Variants in STOX2 observed in about 807,000 individuals in gnomAD.
STOX2 encodes the protein storkhead box 2.
In STOX2, 28 loss-of-function variants were observed where a neutral mutation model predicts 60.9. The ratio of observed to expected loss-of-function variants is 0.46; its 90% CI spans 0.34 to 0.63. The LOEUF is 0.63. STOX2 is among the 30% of genes least tolerant of loss of function. The probability of loss-of-function intolerance (pLI) is 0.01; values close to 1 mark genes in which losing one functional copy is unlikely to be tolerated. For synonymous variants in STOX2, 472 were observed against 463.9 expected (o/e 1.02, Z -0.22); for missense variants, 1,024 against 1,187.7 (o/e 0.86, Z 2.03).
chr4:183,962,796 G>T (rs1743450632), intron 1 of STOX2, among the ~76,000 whole-genome samples: 1 of 152,040 alleles, frequency 6.6e-6, no homozygotes, highest in Non-Finnish European at 1.5e-5. Context: ...GACCCTTTAG[G>T]GAAGTCTAGA....
chr4:183,902,795 A>G (rs1448304572), upstream of STOX2, among the ~76,000 whole-genome samples: 8 of 152,180 alleles, frequency 5.3e-5, no homozygotes, highest in African/African-American at 1.7e-4. Context: ...AAATTACTAC[A>G]CCACCCATAC....
intron 1 of STOX2, among the ~76,000 whole-genome samples, chr4:183,837,396 C>T (rs926508474): frequency 6.6e-6 from 1 of 151,998 alleles, no homozygotes; most frequent in Admixed American, 6.6e-5. Flanking sequence ...TAAGTGGAAT[C>T]ATACAGTATT....
chr4:183,897,841 A>G (rs920850659), intron 1 of STOX2, among the ~76,000 whole-genome samples: 1 of 152,200 alleles, frequency 6.6e-6, no homozygotes, highest in Non-Finnish European at 1.5e-5. Context: ...ATGATTTCCA[A>G]CTGCATTCAC....
chr4:183,839,971 G>A (rs1182423617), intron 1 of STOX2, among the ~76,000 whole-genome samples: 2 of 152,000 alleles, frequency 1.3e-5, no homozygotes, highest in Admixed American at 6.6e-5. Flanking sequence ...TGTTGCCTTC[G>A]AGTAACACAA....
At chr4:183,919,670 A>T (rs892971720) in intron 1 of STOX2, among the ~76,000 whole-genome samples, 2 of 152,118 alleles carry the variant, frequency 1.3e-5, no homozygotes, top group African/African-American at 4.8e-5. Flanking sequence ...CAGTGGTACT[A>T]TCGTAGCTCA....
chr4:183,975,289 GA>G (rs2111180906), intron 1 of STOX2, among the ~76,000 whole-genome samples: 1 of 152,032 alleles, frequency 6.6e-6, no homozygotes, highest in African/African-American at 2.4e-5. Context: ...ACTAGAAAAA[GA>G]AGAGCAAAAC....
intron 1 of STOX2, among the ~76,000 whole-genome samples, chr4:183,987,180 C>G (rs541733685): frequency 4.3e-4 from 65 of 152,296 alleles, no homozygotes; most frequent in African/African-American, 1.5e-3. Flanking sequence ...TCCTTGGCCT[C>G]TCTGACTCCA....
Position 183,866,092 on chromosome 4 carries a change from G to A in STOX2, c.364+68037G>A, listed in dbSNP as rs137864805. ...ATAGGTGAAGGGGAGAAAGATACAC[G>A]TGCTGATGAACAATTGTTTTCAAAG... On this transcript the variant is annotated intron_variant, in intron 1 of 2. Transcript: ENST00000513034. Among the ~76,000 whole-genome samples, 553 of 152,256 alleles carry A rather than the reference G, an allele frequency of 3.6e-3. 7 individuals are homozygous for A. The highest frequency in any genetic ancestry group is 0.032 in the Admixed American group (484 of 15,294).
In STOX2 at chr4:184,009,077, G is replaced by T; in HGVS notation, c.320-81G>T. 8.9e-7 allele frequency: 1 copy of T among 1,126,154 alleles called. No individual in the cohort carries two copies. The highest frequency in any genetic ancestry group is 1.7e-5 in the South Asian group (1 of 59,818). The allele number at this position is 1,126,154 out of a possible 1,614,324, so 69.8% of individuals were successfully genotyped here. ...CTGTGATGGTACTTCGCATCTTGGC[G>T]AATGAATAGGATCCTGGAAATCAGG... is the stretch of plus-strand genomic sequence containing the variant. On this transcript the variant is annotated intron_variant, in intron 2 of 3. Coordinates refer to ENST00000308497, the MANE Select transcript of STOX2 (RefSeq NM_020225.3). This position sits in a 1 kb window ranked among gnomAD's most constrained non-coding sequence, Gnocchi z 4.0.
chr4:183,808,718 G>C (rs988453378), intron 1 of STOX2, among the ~76,000 whole-genome samples: 1 of 152,076 alleles, frequency 6.6e-6, no homozygotes, highest in Non-Finnish European at 1.5e-5. Context: ...TGTATCTTTA[G>C]CATTTCCTCT....
intron 1 of STOX2, among the ~76,000 whole-genome samples, chr4:183,964,309 C>T (rs1303957638): frequency 6.6e-6 from 1 of 152,122 alleles, no homozygotes; most frequent in Non-Finnish European, 1.5e-5. Flanking sequence ...GAATCACTTC[C>T]CCTATGGTGC....
intron 1 of STOX2, among the ~76,000 whole-genome samples, chr4:183,999,374 A>G (rs775792436): frequency 6.6e-6 from 1 of 152,182 alleles, no homozygotes; most frequent in Non-Finnish European, 1.5e-5. Context: ...TATGATGCCT[A>G]TGACCCATAG....
At chr4:183,831,300 G>A (rs1739562136) in intron 1 of STOX2, among the ~76,000 whole-genome samples, 1 of 152,168 alleles carries the variant, frequency 6.6e-6, no homozygotes, top group African/African-American at 2.4e-5. Context: ...CAGGAAAGAA[G>A]CTTGGCTCTT....
At chr4:183,810,889 A>G (rs555685302) in intron 1 of STOX2, among the ~76,000 whole-genome samples, 6 of 152,248 alleles carry the variant, frequency 3.9e-5, no homozygotes, top group African/African-American at 1.4e-4. Flanking sequence ...TAGCAGCACA[A>G]CATGGACTAA....
chr4:183,868,774 A>G (rs1360656717), intron 1 of STOX2, among the ~76,000 whole-genome samples: 1 of 152,226 alleles, frequency 6.6e-6, no homozygotes, highest in Non-Finnish European at 1.5e-5. Flanking sequence ...CAAAACCTCA[A>G]ATGGGTGGAA....
rs111813187 is a variant in STOX2, at chr4:183,807,042, G to C, written c.364+8987G>C. 2.2e-3 allele frequency among the ~76,000 whole-genome samples: 335 copies of C among 151,978 alleles called. 1 individual carries two copies. The highest frequency in any genetic ancestry group is 3.6e-3 in the Non-Finnish European group (248 of 67,978). On this transcript the variant is annotated intron_variant, in intron 1 of 2. Transcript: ENST00000513034. ...GGCTGGAGTGCAGTGGCGCGATCTC[G>C]GCTCACTGCAAGCTCCGTCTCCCGG... is the stretch of plus-strand genomic sequence containing the variant.
chr4:183,813,061 T>G (rs1461276274), intron 1 of STOX2, among the ~76,000 whole-genome samples: 3 of 152,142 alleles, frequency 2.0e-5, no homozygotes, highest in Non-Finnish European at 4.4e-5. Flanking sequence ...CAATGGCAGA[T>G]GGAAAATATT....
intron 2 of STOX2, among the ~76,000 whole-genome samples, chr4:184,007,568 A>G (rs888133314): frequency 1.3e-5 from 2 of 152,226 alleles, no homozygotes; most frequent in East Asian, 3.9e-4. Flanking sequence ...GGAGGCTCAG[A>G]GAGGCTGAGC....
At chr4:183,852,210 A>AGG (rs2111143433) in intron 1 of STOX2, among the ~76,000 whole-genome samples, 3 of 147,324 alleles carry the variant, frequency 2.0e-5, no homozygotes, top group Admixed American at 6.7e-5. Flanking sequence ...GGAAAGGATG[A>AGG]GAGAAAGGAT....
Sources: gnomAD v4.1 joint callset for allele counts (sites outside exome capture counted in the v4.1 genomes callset) on GRCh38, gnomAD v4.1.1 for gene constraint, Gnocchi (gnomAD v3.1) non-coding constraint, MANE v1.5 for transcripts, NCBI Gene and HGNC (gene_info 2026-07-23, HGNC 2026-07-21) for gene names.